The following DOP1A variants were observed in gnomAD, a reference collection of about 807,000 sequenced individuals.
DOP1A encodes the protein protein DOP1A.
Under a neutral mutation model 267.6 loss-of-function variants are expected in DOP1A, and 90 were observed. The observed-to-expected ratio is 0.34, with a 90% confidence interval of 0.28 to 0.40. The LOEUF (loss-of-function observed/expected upper bound fraction) is 0.40. DOP1A is among the 10% of genes least tolerant of loss of function. The pLI is 1.00. For synonymous variants in DOP1A, 932 were observed against 999.1 expected (o/e 0.93, Z 1.27); for missense variants, 2,437 against 2,900.4 (o/e 0.84, Z 3.67).
chr6:83,153,899 A>G lies in DOP1A; in HGVS notation c.6245A>G (p.His2082Arg). The G allele has an allele frequency of 1.2e-6, 2 of 1,611,530 alleles. No homozygotes were observed. Among genetic ancestry groups the G allele is most frequent in the Non-Finnish European group, 1.7e-6 (2 of 1,179,336 alleles). ...GTGGTTTTTCTTCCTTGTAGTGCAC[A>G]TAATGCCCCTAGTTATCGAGCTTGT... Reference protein sequence around the residue: ...VVPYLRNHSAHNAPSYRACVQ... With the variant: ...VVPYLRNHSARNAPSYRACVQ... The change falls in exon 32 of 39, where the codon CAT becomes CGT. Residue 2082 changes from histidine (H) to arginine (R), a missense_variant. By Grantham distance (29) the His-to-Arg change is conservative. Transcript: ENST00000349129.
At chr6:83,128,605 C>T (rs1777554747) in intron 15 of DOP1A, among the ~76,000 whole-genome samples, 1 of 152,090 alleles carries the variant, frequency 6.6e-6, no homozygotes, top group African/African-American at 2.4e-5. Context: ...AAAGTGATTT[C>T]ATGAAGTAGA....
At chr6:83,139,801 ACT>A (rs1779340607) in intron 21 of DOP1A, among the ~76,000 whole-genome samples, 197 bp from the exon 22 acceptor site, 1 of 151,874 alleles carries the variant, frequency 6.6e-6, no homozygotes, top group Non-Finnish European at 1.5e-5. Context: ...GCCAAAAAGA[ACT>A]CTAGTACATT....
chr6:83,069,997 T>TA (rs1231905543), intron 1 of DOP1A, among the ~76,000 whole-genome samples: 1 of 152,226 alleles, frequency 6.6e-6, no homozygotes, highest in African/African-American at 2.4e-5. Flanking sequence ...TTGAGACAGT[T>TA]ACTTCTAAAT....
chr6:83,166,558 C>G, intron 38 of DOP1A: 1 of 578,100 alleles, frequency 1.7e-6, no homozygotes, highest in African/African-American at 1.9e-5. Flanking sequence ...AAGTCATTAG[C>G]AAAAAAAAAG....
At chr6:83,146,921 A>G (rs1449073267) in intron 25 of DOP1A, among the ~76,000 whole-genome samples, 2 of 152,196 alleles carry the variant, frequency 1.3e-5, no homozygotes, top group African/African-American at 4.8e-5. Context: ...GCTACCTAAA[A>G]TAGTGTTGAT....
intron 7 of DOP1A, among the ~76,000 whole-genome samples, chr6:83,117,936 G>A (rs889750690): frequency 4.6e-5 from 7 of 152,154 alleles, no homozygotes; most frequent in Admixed American, 2.6e-4. Flanking sequence ...CAAATGAGCT[G>A]GGTAAATCCT....
chr6:83,117,515 A>G (rs537683748), intron 7 of DOP1A, among the ~76,000 whole-genome samples: 2 of 152,196 alleles, frequency 1.3e-5, no homozygotes, highest in East Asian at 3.9e-4. Flanking sequence ...CATGCACTCA[A>G]AGGTTGATAC....
rs1776961171 is a variant in DOP1A, at chr6:83,125,171, T to C, written c.1461T>C (p.Thr487=). Residue 487 remains threonine (T), a synonymous_variant, in exon 14 of 39, where the codon ACT becomes ACC. Transcript: ENST00000349129. Reference sequence around the variant, plus strand: ...TTTGCTTTCTCATTTTGAAGCCTACTAGAAGTATGAGGGTGCTGTGTCAGG... The same window carrying C: ...TTTGCTTTCTCATTTTGAAGCCTACCAGAAGTATGAGGGTGCTGTGTCAGG... ...DFLLDIVSLP[T]RSMRVLCQET... 4 of 1,584,000 alleles carry C rather than the reference T, an allele frequency of 2.5e-6. No individual in the cohort carries two copies. Among genetic ancestry groups the C allele is most frequent in the Admixed American group, 2.0e-5 (1 of 50,796 alleles).
rs79251244 is a variant in DOP1A, at chr6:83,119,643, T to C, written c.881-105T>C. The C allele has an allele frequency of 7.3e-4, 567 of 772,944 alleles. 6 individuals carry two copies. In the East Asian group the frequency reaches 0.013, roughly 18 times the overall value. The allele number at this position is 772,944 out of a possible 1,614,324, so 47.9% of individuals were successfully genotyped here. ...TGCTGACATTGAATGGGCTACTAAT[T>C]GGTAAGTGTTTAGTGCTGTTCTGAG... On this transcript the variant is annotated intron_variant, in intron 8 of 38. Transcript: ENST00000349129.
intron 1 of DOP1A, among the ~76,000 whole-genome samples, chr6:83,075,903 G>A (rs796192689): frequency 3.3e-5 from 5 of 152,224 alleles, no homozygotes; most frequent in African/African-American, 1.2e-4. Flanking sequence ...GAAAACATAG[G>A]AGAAAAGCTT....
At chr6:83,095,196 G>T (rs914809572) in intron 1 of DOP1A, among the ~76,000 whole-genome samples, 2 of 152,170 alleles carry the variant, frequency 1.3e-5, no homozygotes, top group African/African-American at 4.8e-5. Flanking sequence ...GCCTCCTAAA[G>T]TGCTAGGATT....
At chr6:83,155,804 C>A in intron 33 of DOP1A, 147 bp from the exon 34 acceptor site, 1 of 871,426 alleles carries the variant, frequency 1.1e-6, no homozygotes, top group Non-Finnish European at 1.7e-6. Context: ...GTTTGCCAGC[C>A]TGTCTGCCCC....
chr6:83,079,584 A>G (rs935228916), intron 1 of DOP1A, among the ~76,000 whole-genome samples: 30 of 152,060 alleles, frequency 2.0e-4, no homozygotes, highest in Non-Finnish European at 4.3e-4. Flanking sequence ...ATAGCATACT[A>G]TTTATTTTTT....
chr6:83,166,390 C>T (rs928963554), intron 38 of DOP1A: 11 of 701,560 alleles, frequency 1.6e-5, no homozygotes, highest in Admixed American at 4.0e-5. Flanking sequence ...TGAGCCATCA[C>T]GGCACTGTAT....
At position 83,076,081 on chromosome 6, in the gene DOP1A, T is replaced by C. The variant is rs546026342; in HGVS notation, c.-147+8302T>C. Among the ~76,000 whole-genome samples the C allele has an allele frequency of 1.7e-4, 26 of 152,264 alleles. No homozygotes were observed. The South Asian group carries it at 5.2e-3, about 30-fold the overall frequency. On this transcript the variant is annotated intron_variant, in intron 1 of 38. Coordinates refer to ENST00000349129, the MANE Select transcript of DOP1A (RefSeq NM_015018.4). Reference sequence around the variant, plus strand: ...AGGGAGAAAATATTCATAAATCATGTGTTTGATAAGAGGCTAATACCCAGA... The same window carrying C: ...AGGGAGAAAATATTCATAAATCATGCGTTTGATAAGAGGCTAATACCCAGA...
At chr6:83,154,565 T>C (rs933313147) in intron 33 of DOP1A, among the ~76,000 whole-genome samples, 3 of 152,176 alleles carry the variant, frequency 2.0e-5, no homozygotes, top group African/African-American at 7.2e-5. Flanking sequence ...CACATAATAA[T>C]AGCACTCAAT....
At position 83,129,314 on chromosome 6, in the gene DOP1A, G is replaced by A. The variant is rs770641298; in HGVS notation, c.2147G>A (p.Gly716Glu). The A allele has an allele frequency of 6.2e-6, 10 of 1,605,718 alleles. No homozygotes were observed. The highest frequency in any genetic ancestry group is 7.6e-6 in the Non-Finnish European group (9 of 1,177,280). Residue 716 changes from glycine to glutamate, a missense_variant, in exon 16 of 39, where the codon GGA (glycine) becomes GAA (glutamate). Around this residue, in one of 9 missense-constraint regions of DOP1A, gnomAD observed 498 missense variants for 513.5 expected, o/e 0.97. Transcript: ENST00000349129. ...CAAGGGGATCTTGGTCGAGAACAAG[G>A]AGAGACTTCAAAATGGGACAGAAAT... is the stretch of plus-strand genomic sequence containing the variant. The part of the protein sequence containing the change: ...EHQGDLGREQ[G>E]ETSKWDRNSQ...
At position 83,138,736 on chromosome 6, in the gene DOP1A, T is replaced by G. The variant is rs1343189659; in HGVS notation, c.4694T>G (p.Ile1565Ser). The G allele has an allele frequency of 1.2e-6, 2 of 1,613,914 alleles. No homozygotes were observed. The highest frequency in any genetic ancestry group is 1.7e-6 in the Non-Finnish European group (2 of 1,179,936). The change falls in exon 21 of 39, where the codon ATT becomes AGT. Residue 1565 changes from isoleucine to serine, a missense_variant. Transcript: ENST00000349129. ...GAAGGTTTCTCAGAGGACAGCCTTATTAATTTCTCAGAGGATGAATTTGAC... is the reference window on the plus strand; with the variant it reads ...GAAGGTTTCTCAGAGGACAGCCTTAGTAATTTCTCAGAGGATGAATTTGAC... ...VEEGFSEDSL[I>S]NFSEDEFDNG...
At chr6:83,167,715 A>G in intron 38 of DOP1A, 147 bp from the exon 39 acceptor site, 1 of 1,406,506 alleles carries the variant, frequency 7.1e-7, no homozygotes, top group Non-Finnish European at 9.2e-7. Context: ...CAGAAGCACC[A>G]AGGGTTTTGA....
Sources: allele counts gnomAD v4.1 joint callset (sites outside exome capture counted in the v4.1 genomes callset), GRCh38; gene constraint gnomAD v4.1.1; regional missense constraint gnomAD v4.1.1; transcripts MANE v1.5; gene names NCBI Gene and HGNC (gene_info 2026-07-23, HGNC 2026-07-21).